Variants in PCDHGB4 observed in about 807,000 individuals in gnomAD.
PCDHGB4 encodes protocadherin gamma-B4.
A neutral mutation model predicts 60.5 loss-of-function variants in PCDHGB4; 38 were observed. That is an observed-to-expected ratio of 0.63 (90% CI 0.48 to 0.82). PCDHGB4 has a LOEUF of 0.82. PCDHGB4 is among the 40% of genes least tolerant of loss of function. PCDHGB4 has a pLI of 0.00. For synonymous variants in PCDHGB4, 456 were observed against 509.7 expected, an observed-to-expected ratio of 0.89 and a Z score of 1.42; for missense variants, 1,109 against 1,209.6, an observed-to-expected ratio of 0.92 and a Z score of 1.23.
Position 141,431,547 on chromosome 5 carries a change from T to C in PCDHGB4, c.2397+41266T>C. On this transcript the variant is annotated intron_variant, in intron 1 of 3. Transcript: ENST00000519479. The surrounding 1 kb of genome is among the most constrained non-coding windows in gnomAD (Gnocchi z 4.8). ...CTGGCCTTGGGCACGCAGCTGCTTG[T>C]AGTCAACGCTACCGACCCTGACGAA... The C allele has an allele frequency of 1.2e-6, 2 of 1,614,096 alleles. No homozygotes were observed. The highest frequency in any genetic ancestry group is 2.2e-5 in the East Asian group (1 of 44,882).
chr5:141,440,451 A>G (rs2098179077), intron 1 of PCDHGB4: 1 of 152,230 alleles, frequency 6.6e-6, no homozygotes, highest in Non-Finnish European at 1.5e-5. Flanking sequence ...CATCTCAAAA[A>G]AAATGAACAA....
intron 1 of PCDHGB4, chr5:141,399,203 G>A: frequency 6.2e-7 from 1 of 1,613,940 alleles, no homozygotes. Flanking sequence ...GCGGTGCCTG[G>A]AACACTAATT....
chr5:141,464,144 A>G (rs1305530394), intron 1 of PCDHGB4, among the ~76,000 whole-genome samples: 1 of 152,030 alleles, frequency 6.6e-6, no homozygotes, highest in South Asian at 2.1e-4. Context: ...GGGCGCCTGT[A>G]GTCCCAGCTA....
intron 2 of PCDHGB4, among the ~76,000 whole-genome samples, chr5:141,501,365 A>G (rs1360125423): frequency 1.3e-5 from 2 of 151,500 alleles, no homozygotes; most frequent in Admixed American, 6.6e-5. Flanking sequence ...AACCATATTC[A>G]TCATCTCTTA....
intron 1 of PCDHGB4, chr5:141,471,509 TA>T (rs1211467109): frequency 6.6e-6 from 1 of 152,008 alleles, no homozygotes; most frequent in Non-Finnish European, 1.5e-5. Context: ...AGAGAGGGAG[TA>T]AAAATAACAG....
chr5:141,446,191 T>C (rs2098492956), intron 1 of PCDHGB4, among the ~76,000 whole-genome samples: 1 of 152,206 alleles, frequency 6.6e-6, no homozygotes, highest in Non-Finnish European at 1.5e-5. Flanking sequence ...TGTTTATTAT[T>C]ATATTCCTAG....
chr5:141,504,287 T>C (rs1191226511), intron 2 of PCDHGB4, among the ~76,000 whole-genome samples: 2 of 152,166 alleles, frequency 1.3e-5, no homozygotes, highest in Non-Finnish European at 2.9e-5. Flanking sequence ...AATCATTTCA[T>C]GTTTTTTCAA....
intron 1 of PCDHGB4, among the ~76,000 whole-genome samples, chr5:141,453,288 ATTATTTAT>A (rs577328880): frequency 6.6e-6 from 1 of 151,342 alleles, no homozygotes; most frequent in Non-Finnish European, 1.5e-5. Context: ...TAATTTTTTA[ATTATTTAT>A]TTATTTATTT....
Position 141,410,070 on chromosome 5 carries a change from C to A in PCDHGB4, c.2397+19789C>A, listed in dbSNP as rs1368179504. On this transcript the variant is annotated intron_variant, in intron 1 of 3. Transcript: ENST00000519479. ...GGACTCTTCAGCCTGGGGCTGCGCA[C>A]TGGGGAGGTGCGCACGGCTCGAGCC... 6.2e-7 allele frequency: 1 copy of A among 1,612,806 alleles called. No homozygotes were observed. The highest frequency in any genetic ancestry group is 1.3e-5 in the African/African-American group (1 of 74,938).
At chr5:141,399,315 T>C in intron 1 of PCDHGB4, 2 of 1,613,878 alleles carry the variant, frequency 1.2e-6, no homozygotes, top group Non-Finnish European at 8.5e-7. Flanking sequence ...CATCCAAAAA[T>C]TCGTATAAGT....
Position 141,403,685 on chromosome 5 carries a change from C to G in PCDHGB4, c.2397+13404C>G, listed in dbSNP as rs778849334. On this transcript the variant is annotated intron_variant, in intron 1 of 3. Coordinates refer to ENST00000519479, the MANE Select transcript of PCDHGB4 (RefSeq NM_003736.4). ...TGATAATGCCCCGGTTTTTGCTCAA[C>G]GGATTTACCGAGTTAAAGTCCTTGA... 8 of 1,613,704 alleles carry G rather than the reference C, an allele frequency of 5.0e-6. No homozygotes were observed. In the Admixed American group the frequency reaches 1.0e-4, roughly 20 times the overall value.
At chr5:141,438,635 TACAC>T (rs56854727) in intron 1 of PCDHGB4, among the ~76,000 whole-genome samples, 720 of 33,094 alleles carry the variant, frequency 0.022, 7 homozygotes, top group Middle Eastern at 0.05. Context: ...TATATATATA[TACAC>T]ACACACACAC....
intron 3 of PCDHGB4, among the ~76,000 whole-genome samples, chr5:141,510,504 G>A (rs371169260): frequency 1.3e-5 from 2 of 152,154 alleles, no homozygotes; most frequent in African/African-American, 4.8e-5. Flanking sequence ...AAGGAACTGA[G>A]AGCCCGTGTC....
intron 1 of PCDHGB4, among the ~76,000 whole-genome samples, chr5:141,473,611 G>C (rs2099325261): frequency 6.6e-6 from 1 of 152,140 alleles, no homozygotes; most frequent in Non-Finnish European, 1.5e-5. Context: ...GCAAAGCAAA[G>C]GGAGGGAGGA....
chr5:141,414,615 G>T, intron 1 of PCDHGB4: 1 of 1,613,962 alleles, frequency 6.2e-7, no homozygotes, highest in Non-Finnish European at 8.5e-7. Flanking sequence ...CAGTGACAGC[G>T]CTGGACCCGG....
chr5:141,492,873 C>G (rs2099744714), intron 1 of PCDHGB4, among the ~76,000 whole-genome samples: 1 of 152,182 alleles, frequency 6.6e-6, no homozygotes, highest in Non-Finnish European at 1.5e-5. Context: ...CTCTCAACCC[C>G]CAGAGATACA....
intron 2 of PCDHGB4, among the ~76,000 whole-genome samples, chr5:141,496,207 T>C (rs973745475): frequency 6.6e-6 from 1 of 152,134 alleles, no homozygotes; most frequent in Non-Finnish European, 1.5e-5. Flanking sequence ...CAATCTGGTA[T>C]GAATTCCTGC....
At chr5:141,478,019 C>T in intron 1 of PCDHGB4, 1 of 1,614,136 alleles carries the variant, frequency 6.2e-7, no homozygotes, top group Non-Finnish European at 8.5e-7. Flanking sequence ...CCGTCCAGTC[C>T]AAGACACAGA....
Position 141,439,149 on chromosome 5 carries a change from C to T in PCDHGB4, c.2397+48868C>T, listed in dbSNP as rs543388568. Reference sequence around the variant, plus strand: ...CAGAGGTTGCAGTGAGCTGAGATCACGCCACTGCACTCCAGCCTGGGCGAC... The same window carrying T: ...CAGAGGTTGCAGTGAGCTGAGATCATGCCACTGCACTCCAGCCTGGGCGAC... On this transcript the variant is annotated intron_variant, in intron 1 of 3. Transcript: ENST00000519479. Among the ~76,000 whole-genome samples, 165 of 150,018 alleles carry T rather than the reference C, an allele frequency of 1.1e-3. 1 individual carries two copies. In the Middle Eastern group the frequency reaches 0.017, roughly 16 times the overall value.
Sources: gnomAD v4.1 joint callset for allele counts (sites outside exome capture counted in the v4.1 genomes callset) on GRCh38, gnomAD v4.1.1 for gene constraint, Gnocchi (gnomAD v3.1) non-coding constraint, MANE v1.5 for transcripts, NCBI Gene and HGNC (gene_info 2026-07-23, HGNC 2026-07-21) for gene names.